The following HGSNAT variants were observed in gnomAD, a reference collection of about 807,000 sequenced individuals.
HGSNAT encodes the protein heparan-alpha-glucosaminide N-acetyltransferase, also known as transmembrane protein 76.
A neutral mutation model predicts 85.2 loss-of-function variants in HGSNAT; 59 were observed. The observed-to-expected ratio is 0.69, with a 90% CI of 0.56 to 0.86. HGSNAT has a LOEUF of 0.86. HGSNAT is among the 40% of genes least tolerant of loss of function. The pLI is 0.00. For synonymous variants in HGSNAT, 321 were observed against 304.5 expected, an observed-to-expected ratio of 1.05 and a Z score of -0.56; for missense variants, 756 against 777.1, an observed-to-expected ratio of 0.97 and a Z score of 0.32.
chr8:43,172,276 C>G (rs1563368700), intron 7 of HGSNAT, 34 bp from the exon 8 acceptor site: 1 of 1,493,934 alleles, frequency 6.7e-7, no homozygotes, highest in African/African-American at 1.4e-5. Context: ...ACATAGCAAA[C>G]CCTGAAAGGC....
chr8:43,189,856 G>T (rs778894900), intron 11 of HGSNAT, among the ~76,000 whole-genome samples: 1 of 152,228 alleles, frequency 6.6e-6, no homozygotes, highest in Non-Finnish European at 1.5e-5. Flanking sequence ...GCCTCCCAAA[G>T]TGCTGGGAGT....
chr8:43,194,429 G>A (rs1804641274), intron 14 of HGSNAT: 2 of 985,340 alleles, frequency 2.0e-6, no homozygotes, highest in African/African-American at 1.7e-5. Flanking sequence ...CTGATGGAGT[G>A]TGCAGAGTGT....
intron 12 of HGSNAT, among the ~76,000 whole-genome samples, chr8:43,191,886 G>A (rs979862481): frequency 1.3e-5 from 2 of 152,000 alleles, no homozygotes; most frequent in Non-Finnish European, 2.9e-5. Context: ...CATGTTTGGG[G>A]CTCTCTGAAT....
Position 43,140,559 on chromosome 8 carries a change from G to A in HGSNAT, c.63G>A (p.Ala21=), listed in dbSNP as rs549139396. ...LLLAASVLSA[A]LLAPGGSSGR... is the part of the protein sequence containing the mutation. ...TGGCCGCGTCCGTGCTGAGCGCCGC[G>A]CTGCTGGCCCCCGGCGGCTCTTCGG... Residue 21 remains alanine, a synonymous_variant, in exon 1 of 18, where the codon GCG becomes GCA. Transcript: ENST00000379644. 915 of 1,205,192 alleles carry A rather than the reference G, an allele frequency of 7.6e-4. 12 individuals carry two copies. In the South Asian group the frequency reaches 0.01, roughly 13 times the overall value. 74.7% of individuals were successfully genotyped at this position (1,205,192 alleles called of 1,614,324 possible).
chr8:43,184,905 A>G (rs1019164115), intron 11 of HGSNAT, among the ~76,000 whole-genome samples: 1 of 152,084 alleles, frequency 6.6e-6, no homozygotes, highest in Non-Finnish European at 1.5e-5. Context: ...TCCTTTCCCC[A>G]TTTCTTGTTT....
At chr8:43,187,997 T>C (rs1364746100) in intron 11 of HGSNAT, among the ~76,000 whole-genome samples, 3 of 152,242 alleles carry the variant, frequency 2.0e-5, no homozygotes, top group Non-Finnish European at 4.4e-5. Flanking sequence ...TTGTAGAGTT[T>C]CTGCTGAGAG....
chr8:43,189,275 G>A (rs1804438377), intron 11 of HGSNAT, among the ~76,000 whole-genome samples: 1 of 152,134 alleles, frequency 6.6e-6, no homozygotes. Flanking sequence ...GCTGCGGTGG[G>A]CTCCACTCAG....
intron 5 of HGSNAT, among the ~76,000 whole-genome samples, chr8:43,168,846 T>C (rs961789544): frequency 6.6e-6 from 1 of 152,202 alleles, no homozygotes; most frequent in Admixed American, 6.5e-5. Context: ...TTTCCAAGTT[T>C]TTGCTATTTT....
At chr8:43,161,863 C>G (rs1405362842) in intron 5 of HGSNAT, among the ~76,000 whole-genome samples, 3 of 152,264 alleles carry the variant, frequency 2.0e-5, no homozygotes, top group African/African-American at 7.2e-5. Flanking sequence ...TCCCTTCCCC[C>G]TCTCTGGCCC....
intron 2 of HGSNAT, among the ~76,000 whole-genome samples, chr8:43,154,797 C>T (rs1408892355): frequency 1.3e-5 from 2 of 152,206 alleles, no homozygotes; most frequent in Non-Finnish European, 2.9e-5. Flanking sequence ...AACTAGTTTA[C>T]AGTCCTCCCA....
At chr8:43,159,161 T>C in intron 4 of HGSNAT, 117 bp downstream of exon 4, 1 of 1,027,934 alleles carries the variant, frequency 9.7e-7, no homozygotes, top group Non-Finnish European at 1.4e-6. Context: ...AACCTAAATC[T>C]TAGGTCATTG....
intron 11 of HGSNAT, among the ~76,000 whole-genome samples, chr8:43,183,437 G>C (rs991483290): frequency 2.6e-5 from 4 of 151,076 alleles, no homozygotes; most frequent in African/African-American, 9.7e-5. Context: ...AAAATGCTAG[G>C]ACTACAGGTG....
Position 43,193,836 on chromosome 8 carries a change from G to C in HGSNAT, c.1457G>C (p.Gly486Ala). The C allele has an allele frequency of 6.2e-7, 1 of 1,613,594 alleles. No individual in the cohort carries two copies. Among genetic ancestry groups the C allele is most frequent in the Non-Finnish European group, 8.5e-7 (1 of 1,179,606 alleles). ...AACTCCATCGTGATGGCCTTTTTAGGAGTTCAGGTATTTGTTCATTTCATT... is the reference window on the plus strand; with the variant it reads ...AACTCCATCGTGATGGCCTTTTTAGCAGTTCAGGTATTTGTTCATTTCATT... ...TINSIVMAFL[G>A]VQAGKILLYY... The change falls in exon 14 of 18, where the codon GGA (glycine) becomes GCA (alanine). Residue 486 changes from glycine (G) to alanine (A), a missense_variant. Transcript: ENST00000379644.
intron 8 of HGSNAT, among the ~76,000 whole-genome samples, chr8:43,172,833 G>T (rs1253000172): frequency 2.0e-5 from 3 of 152,182 alleles, no homozygotes; most frequent in Admixed American, 6.5e-5. Context: ...GTCTGGCTTG[G>T]TAGTTGCTTT....
At chr8:43,149,455 T>G (rs180762526) in intron 2 of HGSNAT, among the ~76,000 whole-genome samples, 4,701 of 152,162 alleles carry the variant, frequency 0.031, 135 homozygotes, top group Middle Eastern at 0.072. Context: ...TCCCAGCACT[T>G]TGGGAGGCCG....
At chr8:43,181,301 A>G (rs1804114881) in intron 10 of HGSNAT, among the ~76,000 whole-genome samples, 1 of 151,628 alleles carries the variant, frequency 6.6e-6, no homozygotes, top group Non-Finnish European at 1.5e-5. Context: ...CTTGTATGGC[A>G]GCTGGGTTTC....
chr8:43,141,898 A>G (rs1160946621), intron 1 of HGSNAT, among the ~76,000 whole-genome samples: 1 of 152,192 alleles, frequency 6.6e-6, no homozygotes, highest in East Asian at 1.9e-4. Flanking sequence ...AGCTTATCAA[A>G]GGGCACTTAC....
chr8:43,151,478 AAC>A (rs1303132663), intron 2 of HGSNAT, among the ~76,000 whole-genome samples: 6 of 152,232 alleles, frequency 3.9e-5, no homozygotes, highest in African/African-American at 1.4e-4. Context: ...AGAAATAAGT[AAC>A]ACGTGTGGCA....
At chr8:43,173,266 A>G (rs1803688758) in intron 8 of HGSNAT, among the ~76,000 whole-genome samples, 2 of 151,962 alleles carry the variant, frequency 1.3e-5, no homozygotes, top group Middle Eastern at 3.4e-3. Flanking sequence ...CTGGGATTAC[A>G]GGTGTGAGCC....
Sources: gnomAD v4.1 joint callset for allele counts (sites outside exome capture counted in the v4.1 genomes callset) on GRCh38, gnomAD v4.1.1 for gene constraint, MANE v1.5 for transcripts, NCBI Gene and HGNC (gene_info 2026-07-23, HGNC 2026-07-21) for gene names.